HIF1AN: variants seen among roughly 807,000 people sequenced by gnomAD.
HIF1AN encodes the protein hypoxia-inducible factor 1-alpha inhibitor.
Under a neutral mutation model 47.7 loss-of-function variants are expected in HIF1AN, and 21 were observed. The ratio of observed to expected loss-of-function variants is 0.44; its 90% CI spans 0.31 to 0.63. HIF1AN has a LOEUF of 0.63. Ranked by LOEUF, HIF1AN falls within the 30% of genes least tolerant of loss-of-function variation. The probability of loss-of-function intolerance (pLI) is 0.07; values close to 1 mark genes in which losing one functional copy is unlikely to be tolerated. For missense variants in HIF1AN, 320 were observed against 432.7 expected, an observed-to-expected ratio of 0.74 and a Z score of 2.31; for synonymous variants, 152 against 155.9, an observed-to-expected ratio of 0.98 and a Z score of 0.18.
In HIF1AN at chr10:100,556,106, G is replaced by A. The variant is rs896311767; in HGVS notation, c.*7969G>A. On this transcript the variant is annotated 3_prime_UTR_variant, in exon 8 of 8. Transcript: ENST00000299163. ...ACCTCTCTTCCCCATCTAGCTTTCT[G>A]TCTAAGTTCCTGTTTCTAGTCTCAG... 6.6e-6 allele frequency: 1 copy of A among 152,158 alleles called. No individual in the cohort carries two copies. The highest frequency in any genetic ancestry group is 1.5e-5 in the Non-Finnish European group (1 of 68,058). 9.4% of individuals were successfully genotyped at this position (152,158 alleles called of 1,614,324 possible). A position where few individuals can be genotyped will look rare whatever the true frequency, so the allele number is the denominator to read the frequency against.
At chr10:100,536,217 A>G in intron 1 of HIF1AN, 82 bp downstream of exon 1, 1 of 1,400,806 alleles carries the variant, frequency 7.1e-7, no homozygotes, top group Non-Finnish European at 9.8e-7. Flanking sequence ...AAGAGATGGG[A>G]GACTGGCAGG....
chr10:100,537,895 G>C (rs796897020), intron 2 of HIF1AN, among the ~76,000 whole-genome samples: 1 of 152,170 alleles, frequency 6.6e-6, no homozygotes, highest in South Asian at 2.1e-4. Flanking sequence ...TCCAAGATAT[G>C]AACTGTGGTC....
chr10:100,542,686 A>G (rs1161035979), intron 3 of HIF1AN, among the ~76,000 whole-genome samples: 1 of 152,084 alleles, frequency 6.6e-6, no homozygotes, highest in Non-Finnish European at 1.5e-5. Context: ...TAGATAATAC[A>G]TTCATGGAGT....
chr10:100,539,115 A>G (rs572015163), intron 2 of HIF1AN, among the ~76,000 whole-genome samples: 2 of 152,102 alleles, frequency 1.3e-5, no homozygotes, highest in South Asian at 4.2e-4. Context: ...ATTTATTTAA[A>G]TACATAAGGT....
In HIF1AN at chr10:100,551,968, GCAACGTTGATGTCCC is replaced by G; in HGVS notation, c.*3834_*3848del. 1 of 152,152 alleles carries G rather than the reference GCAACGTTGATGTCCC, an allele frequency of 6.6e-6. No individual in the cohort carries two copies. The highest frequency in any genetic ancestry group is 1.9e-4 in the East Asian group (1 of 5,144). 9.4% of individuals were successfully genotyped at this position (152,152 alleles called of 1,614,324 possible). A position where few individuals can be genotyped will look rare whatever the true frequency, so the allele number is the denominator to read the frequency against. On this transcript the variant is annotated 3_prime_UTR_variant, in exon 8 of 8. Coordinates refer to ENST00000299163, the MANE Select transcript of HIF1AN (RefSeq NM_017902.3). The stretch of plus-strand genomic sequence containing the variant: ...GGGCCTCGCTACTCTACGCTTCCTA[GCAACGTTGATGTCCC>G]CACAACCCCACATCAGTGCAGCTGT...
chr10:100,540,158 GTTC>G (rs1346157898), intron 2 of HIF1AN, among the ~76,000 whole-genome samples: 1 of 145,454 alleles, frequency 6.9e-6, no homozygotes, highest in Non-Finnish European at 1.5e-5. Flanking sequence ...TCTTCTCCAG[GTTC>G]TTTTTTTTTT....
In HIF1AN at chr10:100,546,615, A is replaced by T. The variant is rs754715142; in HGVS notation, c.894+34A>T. On this transcript the variant is annotated intron_variant, in intron 6 of 7. Coordinates refer to ENST00000299163, the MANE Select transcript of HIF1AN (RefSeq NM_017902.3). ...GGTTTGCTTTTTTTGTTTTTTCCAG[A>T]TGGAACTGGCTCTTGGGTGAGGTAG... is the stretch of plus-strand genomic sequence containing the variant. 15 of 1,531,958 alleles carry T rather than the reference A, an allele frequency of 9.8e-6. No homozygotes were observed. The South Asian group carries it at 1.6e-4, about 16-fold the overall frequency. The allele number at this position is 1,531,958 out of a possible 1,614,324, so 94.9% of individuals were successfully genotyped here.
chr10:100,536,376 T>A, intron 1 of HIF1AN, 35 bp from the exon 2 acceptor site: 1 of 1,607,650 alleles, frequency 6.2e-7, no homozygotes, highest in Non-Finnish European at 8.5e-7. Context: ...TGGCATTACT[T>A]CATTTGGTGT....
At chr10:100,541,210 T>G (rs905816615) in intron 3 of HIF1AN, among the ~76,000 whole-genome samples, 1 of 151,834 alleles carries the variant, frequency 6.6e-6, no homozygotes, top group African/African-American at 2.4e-5. Context: ...AGAGCAAGAC[T>G]CTGTCTCAAA....
chr10:100,536,716 C>A, intron 2 of HIF1AN, 55 bp downstream of exon 2: 1 of 1,594,948 alleles, frequency 6.3e-7, no homozygotes, highest in Non-Finnish European at 8.6e-7. Flanking sequence ...TTTTTCTTTC[C>A]TATACTTGTT....
Position 100,542,216 on chromosome 10 carries a change from T to C in HIF1AN, c.577+1434T>C, listed in dbSNP as rs191385677. Among the ~76,000 whole-genome samples, 5 of 152,288 alleles carry C rather than the reference T, an allele frequency of 3.3e-5. No individual in the cohort carries two copies. The East Asian group carries it at 9.6e-4, about 29-fold the overall frequency. ...GGAGCACTATCGTAGATGCAATCTG[T>C]TGTCGACTAAAATGTCATCATGTGG... On this transcript the variant is annotated intron_variant, in intron 3 of 7. Transcript: ENST00000299163.
intron 7 of HIF1AN, among the ~76,000 whole-genome samples, chr10:100,547,868 T>C (rs576319971): frequency 4.6e-5 from 7 of 152,218 alleles, no homozygotes; most frequent in African/African-American, 1.4e-4. Flanking sequence ...GAGACGGTGT[T>C]GTGCGAGAGA....
At chr10:100,545,586 T>G in intron 4 of HIF1AN, 1 of 221,656 alleles carries the variant, frequency 4.5e-6, no homozygotes, top group Non-Finnish European at 8.8e-6. Flanking sequence ...AGCTACTTCA[T>G]GTGGGAGTCT....
rs987551117 is a variant in HIF1AN at position 100,554,013 on chromosome 10, A to G, written c.*5876A>G. ...TCTCTCAAGAAAAGCATAGGGAAAA[A>G]CGAGAAACACCTTAGATAAACCATA... On this transcript the variant is annotated 3_prime_UTR_variant, in exon 8 of 8. Coordinates refer to ENST00000299163, the MANE Select transcript of HIF1AN (RefSeq NM_017902.3). The G allele has an allele frequency of 5.3e-5, 8 of 151,784 alleles. No individual in the cohort carries two copies. The highest frequency in any genetic ancestry group is 1.9e-4 in the African/African-American group (8 of 41,416). 9.4% of individuals were successfully genotyped at this position (151,784 alleles called of 1,614,324 possible).
At chr10:100,539,100 AATTT>A (rs1023700615) in intron 2 of HIF1AN, among the ~76,000 whole-genome samples, 1 of 151,910 alleles carries the variant, frequency 6.6e-6, no homozygotes, top group African/African-American at 2.4e-5. Flanking sequence ...TTTAATAACC[AATTT>A]ATTTATTTAA....
chr10:100,537,532 A>G (rs186669389), intron 2 of HIF1AN, among the ~76,000 whole-genome samples: 4 of 152,206 alleles, frequency 2.6e-5, no homozygotes, highest in African/African-American at 7.2e-5. Flanking sequence ...ATCAGATTAA[A>G]TTTGTTTTTC....
chr10:100,545,115 AG>A lies in HIF1AN; in HGVS notation c.723+20del. On this transcript the variant is annotated intron_variant, in intron 4 of 7. Transcript: ENST00000299163. ...GAGCCAGGTGAGCTTGTGTGGTCTG[AG>A]AAGGGTATAGAACTCTAGATTCTAG... The A allele has an allele frequency of 6.2e-7, 1 of 1,613,176 alleles. No homozygotes were observed. The highest frequency in any genetic ancestry group is 1.7e-5 in the Admixed American group (1 of 59,954).
intron 3 of HIF1AN, among the ~76,000 whole-genome samples, chr10:100,544,668 A>C (rs1843077631): frequency 6.6e-6 from 1 of 152,186 alleles, no homozygotes; most frequent in South Asian, 2.1e-4. Flanking sequence ...GATCATTTTG[A>C]TGTGCTCTTG....
chr10:100,546,234 T>C (rs184633623), intron 5 of HIF1AN, among the ~76,000 whole-genome samples, 185 bp downstream of exon 5: 4 of 152,236 alleles, frequency 2.6e-5, no homozygotes, highest in African/African-American at 9.6e-5. Flanking sequence ...TAGCCCTGTC[T>C]CTAGGACAGG....
Sources: gnomAD v4.1 joint callset for allele counts (sites outside exome capture counted in the v4.1 genomes callset) on GRCh38, gnomAD v4.1.1 for gene constraint, MANE v1.5 for transcripts, NCBI Gene and HGNC (gene_info 2026-07-23, HGNC 2026-07-21) for gene names.